Variants in SUPT16H observed in about 807,000 individuals in gnomAD.
SUPT16H encodes SPT16 homolog, facilitates chromatin remodeling subunit.
Under a neutral mutation model 136.2 loss-of-function variants are expected in SUPT16H, and 24 were observed. The observed-to-expected ratio is 0.18, with a 90% CI of 0.13 to 0.25. The LOEUF (loss-of-function observed/expected upper bound fraction) is 0.25, where lower values mean the gene tolerates loss of function less well. SUPT16H is among the 10% of genes least tolerant of loss of function. The probability of loss-of-function intolerance (pLI) is 1.00; values close to 1 mark genes in which losing one functional copy is unlikely to be tolerated. For synonymous variants in SUPT16H, 415 were observed against 428.2 expected (o/e 0.97, Z 0.38); for missense variants, 623 against 1,270.2 (o/e 0.49, Z 7.74).
intron 1 of SUPT16H, among the ~76,000 whole-genome samples, chr14:21,375,307 G>A (rs1364434339): frequency 2.6e-5 from 4 of 152,046 alleles, no homozygotes; most frequent in African/African-American, 9.7e-5. Flanking sequence ...GAGCCACCAC[G>A]CCCGGCCCTC....
intron 1 of SUPT16H, chr14:21,383,533 G>C: frequency 7.6e-6 from 5 of 660,796 alleles, no homozygotes; most frequent in Non-Finnish European, 1.4e-5. Context: ...ACACGGCAGG[G>C]GAGGGCAGCA....
At chr14:21,370,593 A>T in intron 3 of SUPT16H, 105 bp from the exon 4 acceptor site, 2 of 1,263,696 alleles carry the variant, frequency 1.6e-6, no homozygotes, top group Non-Finnish European at 2.2e-6. Flanking sequence ...GAAAAAATTA[A>T]TTCTCCTCCC....
chr14:21,359,184 G>C (rs56117003), intron 19 of SUPT16H, among the ~76,000 whole-genome samples: 3,459 of 152,124 alleles, frequency 0.023, 137 homozygotes, highest in African/African-American at 0.079. Context: ...TGCAACCTCT[G>C]CCTCTTGGGT....
chr14:21,357,400 G>T (rs769065523), intron 21 of SUPT16H, 34 bp from the exon 22 acceptor site: 1 of 1,512,872 alleles, frequency 6.6e-7, no homozygotes, highest in African/African-American at 1.4e-5. Context: ...TAGCATATAA[G>T]TATTTCCCCC....
intron 15 of SUPT16H, among the ~76,000 whole-genome samples, chr14:21,361,963 A>G (rs1364869408): frequency 6.6e-6 from 1 of 152,178 alleles, no homozygotes; most frequent in Non-Finnish European, 1.5e-5. Context: ...AGGTCTCACT[A>G]TATTACCCAG....
At chr14:21,383,645 A>G in intron 1 of SUPT16H, 2 of 711,392 alleles carry the variant, frequency 2.8e-6, no homozygotes, top group Non-Finnish European at 5.2e-6. Context: ...CACGCGGGGA[A>G]GATGGTGATG....
intron 10 of SUPT16H, 33 bp from the exon 11 acceptor site, chr14:21,363,536 T>A (rs745620221): frequency 2.5e-4 from 399 of 1,587,352 alleles, no homozygotes; most frequent in Non-Finnish European, 3.3e-4. Flanking sequence ...GACACATTAT[T>A]TAAAAGAGGC....
rs528813375 is a variant in SUPT16H, at chr14:21,372,188, T to A, written c.160-144A>T. ...ATCAGGCTGGGGAGTCTGGAGTGGA[T>A]ACAAATTAAGCAAGATCGGCCAAGA... On this transcript the variant is annotated intron_variant, in intron 2 of 25. Transcript: ENST00000216297. 2.5e-4 allele frequency: 228 copies of A among 900,734 alleles called. No homozygotes were observed. In the African/African-American group the frequency reaches 3.6e-3, roughly 14 times the overall value. 55.8% of individuals were successfully genotyped at this position (900,734 alleles called of 1,614,324 possible).
chr14:21,371,183 T>A (rs1375151316), intron 3 of SUPT16H, among the ~76,000 whole-genome samples: 1 of 152,206 alleles, frequency 6.6e-6, no homozygotes, highest in Admixed American at 6.5e-5. Context: ...ACCTGTAAGA[T>A]GCCTTCCCAT....
At chr14:21,373,279 A>G in intron 2 of SUPT16H, 59 bp downstream of exon 2, 1 of 1,307,240 alleles carries the variant, frequency 7.6e-7, no homozygotes, top group Non-Finnish European at 1.1e-6. Context: ...TACCATACTG[A>G]ACAGTGCAGT....
chr14:21,383,536 G>A (rs547228953), intron 1 of SUPT16H: 35 of 662,216 alleles, frequency 5.3e-5, no homozygotes, highest in African/African-American at 5.2e-4. Context: ...CGGCAGGGGA[G>A]GGCAGCAAGA....
chr14:21,378,116 A>G (rs1161063600), intron 1 of SUPT16H, among the ~76,000 whole-genome samples: 2 of 152,040 alleles, frequency 1.3e-5, no homozygotes, highest in African/African-American at 4.8e-5. Flanking sequence ...GCAACAGAAT[A>G]AAATTCTGAG....
chr14:21,383,663 G>A (rs1262044417), intron 1 of SUPT16H, 199 bp downstream of exon 1: 1 of 721,038 alleles, frequency 1.4e-6, no homozygotes, highest in East Asian at 2.7e-5. Context: ...ATGGCCGCAG[G>A]ACAGGGTGAA....
chr14:21,383,581 C>T (rs1887091819), intron 1 of SUPT16H: 3 of 697,372 alleles, frequency 4.3e-6, no homozygotes, highest in Non-Finnish European at 7.8e-6. Flanking sequence ...GATGTTGCCT[C>T]TTCTAGGGCG....
chr14:21,382,568 G>C (rs1468795774), intron 1 of SUPT16H, among the ~76,000 whole-genome samples: 1 of 152,070 alleles, frequency 6.6e-6, no homozygotes. Context: ...ACAGTTTCAG[G>C]GTTTATGGGT....
At chr14:21,362,374 T>G (rs967535547) in intron 14 of SUPT16H, 50 bp from the exon 15 acceptor site, 9 of 1,575,038 alleles carry the variant, frequency 5.7e-6, no homozygotes, top group Non-Finnish European at 7.8e-6. Flanking sequence ...TCCTAGAGAT[T>G]AGTAGTTACA....
chr14:21,365,263 C>G (rs1886641493), intron 8 of SUPT16H, 120 bp from the exon 9 acceptor site: 1 of 879,246 alleles, frequency 1.1e-6, no homozygotes, highest in Non-Finnish European at 1.8e-6. Context: ...TGATTTACCC[C>G]TGCTGACCGC....
chr14:21,360,715 T>A (rs552510520), intron 17 of SUPT16H, 131 bp downstream of exon 17: 1 of 1,376,984 alleles, frequency 7.3e-7, no homozygotes, highest in Non-Finnish European at 1.0e-6. Context: ...TGTCATACTT[T>A]ATTAGCACCA....
chr14:21,375,925 TAAG>T (rs1342847455), intron 1 of SUPT16H, among the ~76,000 whole-genome samples: 2 of 152,204 alleles, frequency 1.3e-5, no homozygotes, highest in Non-Finnish European at 2.9e-5. Context: ...GTGTCATATC[TAAG>T]AAGGTTCTGC....
Sources: allele counts gnomAD v4.1 joint callset (sites outside exome capture counted in the v4.1 genomes callset), GRCh38; gene constraint gnomAD v4.1.1; transcripts MANE v1.5; gene names NCBI Gene and HGNC (gene_info 2026-07-23, HGNC 2026-07-21).